The following WIPF2 variants were observed in gnomAD, a reference collection of about 807,000 sequenced individuals.
WIPF2 encodes the protein WAS/WASL interacting protein family member 2, also known as WAS/WASL-interacting protein family member 2.
Under a neutral mutation model 38.8 loss-of-function variants are expected in WIPF2, and 23 were observed. That is an observed-to-expected ratio of 0.59 (90% CI 0.43 to 0.84). The LOEUF is 0.84. Among genes scored for constraint, WIPF2 ranks in the 40% least tolerant of loss-of-function variants. The pLI is 0.00. For missense variants in WIPF2, 574 were observed against 580.5 expected (o/e 0.99, Z 0.11); for synonymous variants, 210 against 223.2 (o/e 0.94, Z 0.53).
At chr17:40,269,430 G>A (rs554365743) in intron 5 of WIPF2, among the ~76,000 whole-genome samples, 1 of 151,456 alleles carries the variant, frequency 6.6e-6, no homozygotes, top group East Asian at 2.0e-4. Flanking sequence ...AGGATCACTT[G>A]AGCCCAGGAG....
At chr17:40,262,193 A>G (rs891218022) in intron 3 of WIPF2, among the ~76,000 whole-genome samples, 2 of 142,420 alleles carry the variant, frequency 1.4e-5, no homozygotes, top group Non-Finnish European at 3.1e-5. Flanking sequence ...CGAGCCTCCC[A>G]TCTCAGCCTC....
intron 1 of WIPF2, among the ~76,000 whole-genome samples, chr17:40,235,569 C>CTTTTTTT: frequency 8.3e-6 from 1 of 119,898 alleles, no homozygotes. Context: ...GAGAGTGAGA[C>CTTTTTTT]TTTTTTTTTT....
intron 1 of WIPF2, among the ~76,000 whole-genome samples, chr17:40,250,054 G>A (rs990048248): frequency 1.3e-5 from 2 of 149,876 alleles, no homozygotes; most frequent in Non-Finnish European, 3.0e-5. Context: ...GGCTGGTCTC[G>A]ATCTCCTGAC....
intron 1 of WIPF2, among the ~76,000 whole-genome samples, chr17:40,230,865 C>G (rs2030711963): frequency 6.6e-6 from 1 of 152,150 alleles, no homozygotes; most frequent in South Asian, 2.1e-4. Flanking sequence ...TCATACCCAT[C>G]ATCTAGGCCA....
Position 40,278,382 on chromosome 17 carries a change from C to A in WIPF2, c.*157C>A. ...AAATGTCCTCCCAGCTCACCTCCAT[C>A]TATGCATCTCATCTCTGGATTTGGT... On this transcript the variant is annotated 3_prime_UTR_variant, in exon 8 of 8. Coordinates refer to ENST00000323571, the MANE Select transcript of WIPF2 (RefSeq NM_133264.5). The A allele has an allele frequency of 5.2e-6, 4 of 773,094 alleles. No homozygotes were observed. Among genetic ancestry groups the A allele is most frequent in the Non-Finnish European group, 8.4e-6 (4 of 478,764 alleles). The allele number at this position is 773,094 out of a possible 1,614,324, so 47.9% of individuals were successfully genotyped here. A position where few individuals can be genotyped will look rare whatever the true frequency, so the allele number is the denominator to read the frequency against.
chr17:40,256,640 GT>G, intron 2 of WIPF2, 118 bp downstream of exon 2: 1 of 1,327,284 alleles, frequency 7.5e-7, no homozygotes, highest in Non-Finnish European at 1.0e-6. Flanking sequence ...TTTCCTACTA[GT>G]AGCATTCCTA....
intron 1 of WIPF2, among the ~76,000 whole-genome samples, chr17:40,235,547 A>G (rs2030932465): frequency 6.6e-6 from 1 of 151,600 alleles, no homozygotes; most frequent in Non-Finnish European, 1.5e-5. Flanking sequence ...GGCTTTATGA[A>G]AGGAGTCTTT....
In WIPF2 at chr17:40,247,207, GTTTTTTTTTTTTTTT is replaced by G. The variant is rs775838379; in HGVS notation, c.-69-9170_-69-9156del. 1.4e-3 allele frequency among the ~76,000 whole-genome samples: 166 copies of G among 116,978 alleles called. 1 individual carries two copies. Among genetic ancestry groups the G allele is most frequent in the South Asian group, 2.2e-3 (8 of 3,602 alleles). The allele number at this position is 116,978 out of a possible 152,430, so 76.7% of individuals were successfully genotyped here. ...TCGAAAATTTAATTCTTATTTCAGGGTTTTTTTTTTTTTTTTTTTTTTTTTTTTGAGACAGGATCT... is the reference window on the plus strand; with the variant it reads ...TCGAAAATTTAATTCTTATTTCAGGGTTTTTTTTTTTTTGAGACAGGATCT... On this transcript the variant is annotated intron_variant, in intron 1 of 7. Transcript: ENST00000323571.
chr17:40,247,499 G>A (rs150425762), intron 1 of WIPF2, among the ~76,000 whole-genome samples: 3 of 150,286 alleles, frequency 2.0e-5, no homozygotes, highest in East Asian at 3.9e-4. Flanking sequence ...GATTACGGGC[G>A]TGAGCCAACG....
intron 5 of WIPF2, 116 bp downstream of exon 5, chr17:40,265,262 C>G: frequency 7.9e-7 from 1 of 1,268,534 alleles, no homozygotes; most frequent in Non-Finnish European, 1.1e-6. Context: ...TATTGAGTAC[C>G]TTTTTATGTG....
At chr17:40,255,029 C>T (rs62065256) in intron 1 of WIPF2, among the ~76,000 whole-genome samples, 170 of 151,988 alleles carry the variant, frequency 1.1e-3, no homozygotes, top group Non-Finnish European at 2.1e-3. Context: ...CCACTGTGCC[C>T]GGCCTGATTT....
chr17:40,247,321 G>A (rs577321176), intron 1 of WIPF2, among the ~76,000 whole-genome samples: 10 of 141,788 alleles, frequency 7.1e-5, no homozygotes, highest in East Asian at 2.3e-4. Context: ...GGGTTCAAGC[G>A]ATTCTCCTGC....
intron 1 of WIPF2, among the ~76,000 whole-genome samples, chr17:40,245,121 AAAAT>A (rs2031319440): frequency 1.3e-5 from 2 of 152,148 alleles, no homozygotes; most frequent in Admixed American, 6.6e-5. Flanking sequence ...CTATCTCTAA[AAAAT>A]AAATAAGTAA....
At position 40,264,746 on chromosome 17, in the gene WIPF2, C is replaced by G. The variant is rs1406796340; in HGVS notation, c.570C>G (p.Pro190=). The change falls in exon 5 of 8, where the codon CCC becomes CCG. Residue 190 remains proline, a synonymous_variant. Coordinates refer to ENST00000323571, the MANE Select transcript of WIPF2 (RefSeq NM_133264.5). ...CAGGGCGGCGTGCCAACGCACCCCC[C>G]ACACCTCTGCCTATGCACAGCAGCA... The part of the protein sequence containing the change: ...PPPGRRANAP[P]TPLPMHSSKA... 1 of 1,608,488 alleles carries G rather than the reference C, an allele frequency of 6.2e-7. No individual in the cohort carries two copies. The highest frequency in any genetic ancestry group is 1.1e-5 in the South Asian group (1 of 90,118).
At position 40,235,636 on chromosome 17, in the gene WIPF2, C is replaced by T. The variant is rs1249155404; in HGVS notation, c.-70+16144C>T. The stretch of plus-strand genomic sequence containing the variant: ...TTGCCCAGGCTGGAGTGCAATGGCA[C>T]GATCTCAGCTCACCACAACCTCCGC... On this transcript the variant is annotated intron_variant, in intron 1 of 7. Coordinates refer to ENST00000323571, the MANE Select transcript of WIPF2 (RefSeq NM_133264.5). 2.7e-5 allele frequency among the ~76,000 whole-genome samples: 4 copies of T among 148,526 alleles called. No homozygotes were observed. The East Asian group carries it at 6.0e-4, about 22-fold the overall frequency.
chr17:40,268,108 A>G lies in WIPF2; in HGVS notation c.970+2962A>G, dbSNP rs181155192. Among the ~76,000 whole-genome samples, 7 of 152,284 alleles carry G rather than the reference A, an allele frequency of 4.6e-5. No individual in the cohort carries two copies. In the East Asian group the frequency reaches 1.4e-3, roughly 29 times the overall value. On this transcript the variant is annotated intron_variant, in intron 5 of 7. Coordinates refer to ENST00000323571, the MANE Select transcript of WIPF2 (RefSeq NM_133264.5). The stretch of plus-strand genomic sequence containing the variant: ...GGCTGCAGTGAGCTGTATTAGTGCC[A>G]CTGCACTTCAGCCTGGGCAACACAG...
intron 1 of WIPF2, among the ~76,000 whole-genome samples, chr17:40,253,021 C>T (rs915045268): frequency 2.0e-5 from 3 of 151,612 alleles, no homozygotes; most frequent in Non-Finnish European, 2.9e-5. Flanking sequence ...CCGCCTCAGC[C>T]TCCCAGAGTG....
At chr17:40,261,750 G>A (rs1403773959) in intron 3 of WIPF2, among the ~76,000 whole-genome samples, 7 of 148,166 alleles carry the variant, frequency 4.7e-5, no homozygotes, top group Non-Finnish European at 8.9e-5. Context: ...GCAGTGGCGC[G>A]ATCTTGGCTC....
chr17:40,277,198 T>G lies in WIPF2; in HGVS notation c.1282+14T>G, dbSNP rs1400018766. 28 of 1,579,162 alleles carry G rather than the reference T, an allele frequency of 1.8e-5. No homozygotes were observed. Among genetic ancestry groups the G allele is most frequent in the South Asian group, 2.3e-5 (2 of 87,476 alleles). ...AAACAAACCGAGGTGAGAATAATAATAAGAAGGTTTTTCCATAATTGCATA... is the reference window on the plus strand; with the variant it reads ...AAACAAACCGAGGTGAGAATAATAAGAAGAAGGTTTTTCCATAATTGCATA... On this transcript the variant is annotated intron_variant, in intron 7 of 7. Coordinates refer to ENST00000323571, the MANE Select transcript of WIPF2 (RefSeq NM_133264.5).
Sources: gnomAD v4.1 joint callset for allele counts (sites outside exome capture counted in the v4.1 genomes callset) on GRCh38, gnomAD v4.1.1 for gene constraint, MANE v1.5 for transcripts, NCBI Gene and HGNC (gene_info 2026-07-23, HGNC 2026-07-21) for gene names.